PLS1: variants seen among roughly 807,000 people sequenced by gnomAD.
PLS1 encodes plastin 1.
Under a neutral mutation model 73.7 loss-of-function variants are expected in PLS1, and 32 were observed. The ratio of observed to expected loss-of-function variants is 0.43; its 90% confidence interval spans 0.33 to 0.58. The LOEUF is 0.58. Among genes scored for constraint, PLS1 ranks in the 20% least tolerant of loss-of-function variants. The pLI is 0.04. For synonymous variants in PLS1, 217 were observed against 261.3 expected (o/e 0.83, Z 1.63); for missense variants, 633 against 740.5 (o/e 0.85, Z 1.68).
At chr3:142,605,948 A>G (rs1351726933) in intron 1 of PLS1, among the ~76,000 whole-genome samples, 1 of 152,228 alleles carries the variant, frequency 6.6e-6, no homozygotes. Flanking sequence ...TATGTGATAT[A>G]TATTGTTCTG....
At chr3:142,653,894 C>T (rs2037159299) in intron 1 of PLS1, among the ~76,000 whole-genome samples, 1 of 152,150 alleles carries the variant, frequency 6.6e-6, no homozygotes. Context: ...ACCTGATAAG[C>T]ACTATATTGT....
intron 13 of PLS1, 75 bp from the exon 14 acceptor site, chr3:142,704,388 C>G (rs2049323): frequency 8.8e-7 from 1 of 1,135,170 alleles, no homozygotes. Context: ...AAGTATTTAT[C>G]TAAACATTGA....
rs1427294905 is a variant in PLS1 at position 142,684,313 on chromosome 3, A to G, written c.806A>G (p.Glu269Gly). Reference protein sequence around the residue: ...ELEELMKLSPEELLLRWVNYH... With the variant: ...ELEELMKLSPGELLLRWVNYH... ...GAGGAGCTGATGAAGCTTTCTCCCG[A>G]GGAATTACTGCTGCGATGGGTGAAC... Residue 269 changes from glutamate (E) to glycine (G), a missense_variant, in exon 8 of 16, where the codon GAG (glutamate) becomes GGG (glycine). Physicochemically the swap from Glu to Gly is moderately conservative, Grantham distance 98. Coordinates refer to ENST00000457734, the MANE Select transcript of PLS1 (RefSeq NM_001145319.2). The G allele has an allele frequency of 6.2e-7, 1 of 1,614,092 alleles. No individual in the cohort carries two copies.
intron 1 of PLS1, among the ~76,000 whole-genome samples, chr3:142,650,514 C>T (rs944274574): frequency 6.6e-6 from 1 of 152,076 alleles, no homozygotes; most frequent in Non-Finnish European, 1.5e-5. Context: ...CATTATATAA[C>T]GCTTTACAAA....
At chr3:142,641,613 A>T (rs955619195) in intron 1 of PLS1, among the ~76,000 whole-genome samples, 3 of 151,864 alleles carry the variant, frequency 2.0e-5, no homozygotes, top group Non-Finnish European at 4.4e-5. Context: ...GGATTCTTAC[A>T]GTTCGTAATT....
intron 1 of PLS1, among the ~76,000 whole-genome samples, chr3:142,652,617 G>C (rs1560050254): frequency 6.6e-6 from 1 of 152,164 alleles, no homozygotes; most frequent in Non-Finnish European, 1.5e-5. Flanking sequence ...GTTTCACATT[G>C]TCCCTCTTTG....
At chr3:142,704,045 A>C in intron 13 of PLS1, 44 bp downstream of exon 13, 1 of 1,580,000 alleles carries the variant, frequency 6.3e-7, no homozygotes, top group Admixed American at 1.7e-5. Context: ...GTTTCCTCCA[A>C]CAAGTAATCT....
chr3:142,700,618 G>A (rs2038312490), intron 12 of PLS1, among the ~76,000 whole-genome samples: 1 of 152,174 alleles, frequency 6.6e-6, no homozygotes, highest in Non-Finnish European at 1.5e-5. Flanking sequence ...CACTGTGCCC[G>A]GCCTTCTTTA....
At position 142,703,964 on chromosome 3, in the gene PLS1, A is replaced by T; in HGVS notation, c.1468A>T (p.Thr490Ser). 1.2e-6 allele frequency: 2 copies of T among 1,614,024 alleles called. No homozygotes were observed. Among genetic ancestry groups the T allele is most frequent in the Non-Finnish European group, 1.7e-6 (2 of 1,179,874 alleles). The change falls in exon 13 of 16, where the codon ACA becomes TCA. Residue 490 changes from threonine to serine, a missense_variant. Coordinates refer to ENST00000457734, the MANE Select transcript of PLS1 (RefSeq NM_001145319.2). ...AGQDLNEGNS[T>S]LTLALVWQLM... ...GCAGGACCTAAATGAAGGGAATTCA[A>T]CACTTACCCTGGCATTGGTATGGCA...
chr3:142,704,622 G>T, intron 14 of PLS1, 36 bp downstream of exon 14: 1 of 849,014 alleles, frequency 1.2e-6, no homozygotes, highest in South Asian at 1.8e-5. Flanking sequence ...TTTTTTTGTA[G>T]GTATAGGAAG....
Position 142,606,776 on chromosome 3 carries a change from CTTCTT to C in PLS1, c.-37+10271_-37+10275del, listed in dbSNP as rs370490376. 3.1e-3 allele frequency among the ~76,000 whole-genome samples: 478 copies of C among 152,256 alleles called. 1 individual carries two copies. Among genetic ancestry groups the C allele is most frequent in the African/African-American group, 0.01 (433 of 41,528 alleles). ...ATTCATGTTGTAGCACATATCAAGA[CTTCTT>C]TTCATAGGTGTGCATAATATGCCAT... On this transcript the variant is annotated intron_variant, in intron 1 of 15. Coordinates refer to ENST00000457734, the MANE Select transcript of PLS1 (RefSeq NM_001145319.2).
chr3:142,599,531 T>G (rs1039773728), intron 1 of PLS1, among the ~76,000 whole-genome samples: 5 of 150,858 alleles, frequency 3.3e-5, no homozygotes, highest in South Asian at 4.2e-4. Context: ...GGGTTTCACC[T>G]TGTTAGCCAG....
intron 5 of PLS1, among the ~76,000 whole-genome samples, chr3:142,676,569 A>G (rs1185734575): frequency 6.6e-6 from 1 of 152,224 alleles, no homozygotes; most frequent in African/African-American, 2.4e-5. Context: ...GCAGTTTTAA[A>G]TATTCGCAGG....
intron 1 of PLS1, among the ~76,000 whole-genome samples, chr3:142,637,409 ATG>A (rs2108602650): frequency 6.6e-6 from 1 of 152,314 alleles, no homozygotes; most frequent in East Asian, 1.9e-4. Flanking sequence ...ACCAAGGAGC[ATG>A]AGGAATATTA....
intron 14 of PLS1, among the ~76,000 whole-genome samples, chr3:142,706,785 G>A (rs2038471247): frequency 6.6e-6 from 1 of 152,122 alleles, no homozygotes; most frequent in African/African-American, 2.4e-5. Flanking sequence ...TCCTGATCTG[G>A]GGAAGAAGAA....
rs892404460 is a variant in PLS1 at position 142,664,182 on chromosome 3, T to A, written c.-36-20T>A. ...GTTTCCAAAGGCTTCATGCTTTTTT[T>A]ATAATATTGCTTTTTCTAGATATAA... On this transcript the variant is annotated intron_variant, in intron 1 of 15. Transcript: ENST00000457734. 24 of 965,112 alleles carry A rather than the reference T, an allele frequency of 2.5e-5. No individual in the cohort carries two copies. In the Middle Eastern group the frequency reaches 9.9e-4, roughly 40 times the overall value. 59.8% of individuals were successfully genotyped at this position (965,112 alleles called of 1,614,324 possible). A position where few individuals can be genotyped will look rare whatever the true frequency, so the allele number is the denominator to read the frequency against.
Position 142,601,090 on chromosome 3 carries a change from A to AT in PLS1, c.-37+4591dup, listed in dbSNP as rs1231903490. Among the ~76,000 whole-genome samples the AT allele has an allele frequency of 2.9e-3, 406 of 140,144 alleles. 1 individual carries two copies. The highest frequency in any genetic ancestry group is 9.5e-3 in the African/African-American group (360 of 37,914). 91.9% of individuals were successfully genotyped at this position (140,144 alleles called of 152,430 possible). On this transcript the variant is annotated intron_variant, in intron 1 of 15. Coordinates refer to ENST00000457734, the MANE Select transcript of PLS1 (RefSeq NM_001145319.2). ...AGGCACCCGCCACCACGCCCGGCTA[A>AT]TTTTTTTTTTATTTTTAGTAGAGAC...
At chr3:142,624,242 AG>A (rs1415086904) in intron 1 of PLS1, among the ~76,000 whole-genome samples, 1 of 152,212 alleles carries the variant, frequency 6.6e-6, no homozygotes, top group East Asian at 1.9e-4. Flanking sequence ...TGGGGATAGC[AG>A]CTTTGCTTAA....
intron 1 of PLS1, among the ~76,000 whole-genome samples, chr3:142,640,090 A>G (rs1012949411): frequency 6.6e-6 from 1 of 152,224 alleles, no homozygotes; most frequent in African/African-American, 2.4e-5. Flanking sequence ...GATTACATAC[A>G]TGGCATGTCA....
Sources: gnomAD v4.1 joint callset for allele counts (sites outside exome capture counted in the v4.1 genomes callset) on GRCh38, gnomAD v4.1.1 for gene constraint, MANE v1.5 for transcripts, NCBI Gene and HGNC (gene_info 2026-07-23, HGNC 2026-07-21) for gene names.